ALS2: variants seen among roughly 807,000 people sequenced by gnomAD.
ALS2 encodes the protein alsin Rho guanine nucleotide exchange factor ALS2.
ALS2 carries 117 observed loss-of-function variants against 203.4 expected under a neutral mutation model. That is an observed-to-expected ratio of 0.58 (90% CI 0.50 to 0.67). ALS2 has a LOEUF of 0.67. ALS2 is among the 30% of genes least tolerant of loss of function. The probability of loss-of-function intolerance (pLI) is 0.00; values close to 1 mark genes in which losing one functional copy is unlikely to be tolerated. For synonymous variants in ALS2, 718 were observed against 725.9 expected, an observed-to-expected ratio of 0.99 and a Z score of 0.17; for missense variants, 1,715 against 1,989.4, an observed-to-expected ratio of 0.86 and a Z score of 2.62.
chr2:201,727,762 T>C lies in ALS2; in HGVS notation c.2855A>G (p.His952Arg), dbSNP rs372139071. The change falls in exon 16 of 34, where the codon CAT (histidine) becomes CGT (arginine). Residue 952 changes from histidine to arginine, a missense_variant. By Grantham distance (29) the His-to-Arg change is conservative. Coordinates refer to ENST00000264276, the MANE Select transcript of ALS2 (RefSeq NM_020919.4). ...CCACAGCGTGGCCAGAGGGAAAACA[T>C]GGTGCGTGGAGAACTGAAACAGAGA... ...ALVHAQFSTHHVFPLATLWAE... is the reference protein window; with the variant it reads ...ALVHAQFSTHRVFPLATLWAE... 68 of 1,551,554 alleles carry C rather than the reference T, an allele frequency of 4.4e-5. No homozygotes were observed. Among genetic ancestry groups the C allele is most frequent in the Non-Finnish European group, 5.8e-5 (66 of 1,146,996 alleles).
chr2:201,713,523 A>C (rs929319036), intron 25 of ALS2, among the ~76,000 whole-genome samples: 6 of 152,024 alleles, frequency 3.9e-5, no homozygotes, highest in African/African-American at 7.2e-5. Flanking sequence ...TTTTTCTCTC[A>C]GTTGTTTAGA....
intron 1 of ALS2, among the ~76,000 whole-genome samples, chr2:201,775,232 T>C (rs543206883): frequency 3.9e-5 from 6 of 152,366 alleles, no homozygotes; most frequent in African/African-American, 9.6e-5. Flanking sequence ...ATAGATTTCA[T>C]GTAGCCATTA....
In ALS2 at chr2:201,761,052, G is replaced by C; in HGVS notation, c.942C>G (p.Ser314Arg). The change falls in exon 4 of 34, where the codon AGC becomes AGG. Residue 314 changes from serine (S) to arginine (R), a missense_variant. By Grantham distance (110) the Ser-to-Arg change is moderately radical. Transcript: ENST00000264276. ...TTTGTTGAGAGGACATGGCATCGCT[G>C]CTTGTGATCTGAGCACTTACTGCAT... is the stretch of plus-strand genomic sequence containing the variant. ...ELNAVSAQIT[S>R]SDAMSSQQNV... 6.2e-7 allele frequency: 1 copy of C among 1,614,176 alleles called. No homozygotes were observed. Among genetic ancestry groups the C allele is most frequent in the South Asian group, 1.1e-5 (1 of 91,084 alleles).
intron 22 of ALS2, 48 bp downstream of exon 22, chr2:201,723,282 A>T (rs769813437): frequency 6.7e-7 from 1 of 1,487,978 alleles, no homozygotes; most frequent in Non-Finnish European, 9.4e-7. Flanking sequence ...TTAAGGACAA[A>T]GGAGCTTTAA....
intron 15 of ALS2, 31 bp downstream of exon 15, chr2:201,728,474 CTTTCAGG>C: frequency 6.2e-7 from 1 of 1,613,322 alleles, no homozygotes; most frequent in Non-Finnish European, 8.5e-7. Flanking sequence ...AGGGGTCCAC[CTTTCAGG>C]AATTCTTTTA....
Position 201,757,741 on chromosome 2 carries a change from T to C in ALS2, c.1132A>G (p.Ile378Val), listed in dbSNP as rs766304722. The change falls in exon 5 of 34, where the codon ATT becomes GTT. Residue 378 changes from isoleucine (I) to valine (V), a missense_variant. By Grantham distance (29) the Ile-to-Val change is conservative (BLOSUM62 3). Coordinates refer to ENST00000264276, the MANE Select transcript of ALS2 (RefSeq NM_020919.4). ...VPSQPLLEEA[I>V]PNLHSPPTTS... is the part of the protein sequence containing the mutation. ...GTAGGCGGGCTGTGGAGATTAGGAA[T>C]TGCTTCTTCTAAAAGAGGCTAAAAT... is the stretch of plus-strand genomic sequence containing the variant. 1.9e-6 allele frequency: 3 copies of C among 1,610,844 alleles called. No individual in the cohort carries two copies. Among genetic ancestry groups the C allele is most frequent in the South Asian group, 1.1e-5 (1 of 91,070 alleles).
chr2:201,711,088 G>A lies in ALS2; in HGVS notation c.4025C>T (p.Ser1342Leu). 2.5e-6 allele frequency: 4 copies of A among 1,605,922 alleles called. No individual in the cohort carries two copies. The highest frequency in any genetic ancestry group is 3.4e-6 in the Non-Finnish European group (4 of 1,172,834). The change falls in exon 26 of 34, where the codon TCA (serine) becomes TTA (leucine). Residue 1342 changes from serine (S) to leucine (L), a missense_variant. Transcript: ENST00000264276. ...CAAACTCTCTAGTGTCTGAGTCTGT[G>A]AACGACTCAGTATTTCTGGACTATA... ...HRDSPEILSR[S>L]QTQTLESLEF...
At chr2:201,780,542 G>A (rs1023168286) in intron 1 of ALS2, among the ~76,000 whole-genome samples, 45 of 152,190 alleles carry the variant, frequency 3.0e-4, no homozygotes, top group Admixed American at 5.2e-4. Flanking sequence ...GGAAGGCAGC[G>A]TGGGTGGAGG....
At chr2:201,709,124 C>A (rs1157691521) in intron 27 of ALS2, among the ~76,000 whole-genome samples, 1 of 152,208 alleles carries the variant, frequency 6.6e-6, no homozygotes, top group Admixed American at 6.5e-5. Context: ...ATCTCACAAG[C>A]TTAAATCTGT....
intron 4 of ALS2, chr2:201,760,589 T>TAA: frequency 8.3e-7 from 1 of 1,198,612 alleles, no homozygotes; most frequent in Non-Finnish European, 1.0e-6. Context: ...ATTCAGTACT[T>TAA]TAGCCATAGA....
intron 4 of ALS2, among the ~76,000 whole-genome samples, chr2:201,759,089 G>A (rs1323257161): frequency 1.3e-5 from 2 of 152,074 alleles, no homozygotes; most frequent in African/African-American, 4.8e-5. Flanking sequence ...AAGCAGTGAT[G>A]GTATTTAGAG....
At chr2:201,734,522 G>A (rs1691761841) in intron 12 of ALS2, among the ~76,000 whole-genome samples, 1 of 151,538 alleles carries the variant, frequency 6.6e-6, no homozygotes, top group Admixed American at 6.6e-5. Context: ...TATTTGGCTG[G>A]TGCTAATGTT....
At chr2:201,731,171 T>A (rs1171007277) in intron 13 of ALS2, among the ~76,000 whole-genome samples, 2 of 152,162 alleles carry the variant, frequency 1.3e-5, no homozygotes, top group African/African-American at 4.8e-5. Flanking sequence ...CTCATTTTCA[T>A]TTTTTCCATT....
At chr2:201,772,660 G>A (rs1163049946) in intron 1 of ALS2, among the ~76,000 whole-genome samples, 1 of 151,976 alleles carries the variant, frequency 6.6e-6, no homozygotes, top group Non-Finnish European at 1.5e-5. Flanking sequence ...CTTGCCCCAA[G>A]GGTTTTGAAT....
At chr2:201,780,002 C>A (rs1373228944) in intron 1 of ALS2, 1 of 152,218 alleles carries the variant, frequency 6.6e-6, no homozygotes, top group Non-Finnish European at 1.5e-5. Flanking sequence ...ACATATCACA[C>A]AATTTTATTC....
Position 201,749,057 on chromosome 2 carries a change from TGTTCAAGGAACCA to T in ALS2, c.1815+642_1815+654del, listed in dbSNP as rs371433318. The stretch of plus-strand genomic sequence containing the variant: ...TCTCTACCAAAAACCCTAAAACTCT[TGTTCAAGGAACCA>T]GTACAATTGATGAGAATTTGGTATT... On this transcript the variant is annotated intron_variant, in intron 8 of 33. Transcript: ENST00000264276. 1.1e-3 allele frequency among the ~76,000 whole-genome samples: 173 copies of T among 152,248 alleles called. 1 individual carries two copies. Among genetic ancestry groups the T allele is most frequent in the African/African-American group, 3.9e-3 (163 of 41,546 alleles).
chr2:201,743,855 C>T (rs1692456106), intron 10 of ALS2, among the ~76,000 whole-genome samples: 2 of 152,116 alleles, frequency 1.3e-5, no homozygotes, highest in South Asian at 4.1e-4. Context: ...CTACTTGATA[C>T]AATTCTAAGA....
At chr2:201,763,415 T>C in intron 3 of ALS2, 1 of 229,294 alleles carries the variant, frequency 4.4e-6, no homozygotes, top group Non-Finnish European at 8.8e-6. Context: ...CAAGGCCACC[T>C]ATGATGCCAT....
intron 10 of ALS2, among the ~76,000 whole-genome samples, chr2:201,742,909 T>C (rs1219804242): frequency 6.6e-6 from 1 of 151,534 alleles, no homozygotes; most frequent in Non-Finnish European, 1.5e-5. Context: ...CCGTCTCTAT[T>C]AAAAATACAA....
Sources: gnomAD v4.1 joint callset for allele counts (sites outside exome capture counted in the v4.1 genomes callset) on GRCh38, gnomAD v4.1.1 for gene constraint, MANE v1.5 for transcripts, NCBI Gene and HGNC (gene_info 2026-07-23, HGNC 2026-07-21) for gene names.